Variants in TNNI3K observed in about 807,000 individuals in gnomAD.
The protein encoded by TNNI3K is serine/threonine-protein kinase TNNI3K.
A neutral mutation model predicts 114.5 loss-of-function variants in TNNI3K; 140 were observed. The observed-to-expected ratio is 1.22, with a 90% CI of 1.07 to 1.41. TNNI3K has a LOEUF of 1.41. TNNI3K is among the 40% of genes most tolerant of loss of function. The probability of loss-of-function intolerance (pLI) is 0.00; values close to 1 mark genes in which losing one functional copy is unlikely to be tolerated. For missense variants in TNNI3K, 1,125 were observed against 1,007.6 expected, an observed-to-expected ratio of 1.12 and a Z score of -1.58; for synonymous variants, 347 against 347.5, an observed-to-expected ratio of 1.00 and a Z score of 0.02.
At chr1:74,464,833 G>T (rs1304762304) in intron 21 of TNNI3K, 24 of 1,441,284 alleles carry the variant, frequency 1.7e-5, no homozygotes, top group Non-Finnish European at 2.0e-5. Context: ...CATGAAAGCG[G>T]TCCTTTTTGT....
chr1:74,380,904 G>A (rs1365747789), intron 17 of TNNI3K, among the ~76,000 whole-genome samples: 1 of 152,050 alleles, frequency 6.6e-6, no homozygotes, highest in Non-Finnish European at 1.5e-5. Flanking sequence ...TTAATTGAGT[G>A]CAAACTGACT....
At chr1:74,502,810 CCACAGCTGCTGCCTCGTT>C (rs1249978549) in intron 23 of TNNI3K, among the ~76,000 whole-genome samples, 24 of 152,330 alleles carry the variant, frequency 1.6e-4, no homozygotes, top group Middle Eastern at 3.4e-3. Context: ...GAACACAACT[CCACAGCTGCTGCCTCGTT>C]CACAGGCGTG....
At chr1:74,271,576 C>T (rs745854293) in intron 4 of TNNI3K, 22 bp from the exon 5 acceptor site, 9 of 1,575,954 alleles carry the variant, frequency 5.7e-6, no homozygotes, top group East Asian at 2.3e-5. Flanking sequence ...AAAAGTAACA[C>T]TAAAGATATG....
At chr1:74,409,713 C>A (rs561203078) in intron 17 of TNNI3K, among the ~76,000 whole-genome samples, 1 of 151,956 alleles carries the variant, frequency 6.6e-6, no homozygotes, top group Non-Finnish European at 1.5e-5. Context: ...AGGCTGGTCT[C>A]GAACTCCTGA....
chr1:74,286,166 A>G (rs1011409906), intron 5 of TNNI3K, among the ~76,000 whole-genome samples: 6 of 152,190 alleles, frequency 3.9e-5, no homozygotes, highest in African/African-American at 7.2e-5. Context: ...AAATAGAGAT[A>G]GCCTCCATGT....
chr1:74,460,585 TA>T (rs1252639558), intron 20 of TNNI3K, among the ~76,000 whole-genome samples: 7 of 152,210 alleles, frequency 4.6e-5, no homozygotes, highest in Admixed American at 4.6e-4. Context: ...GCAATCAAGG[TA>T]AAAATTTGAT....
chr1:74,540,673 G>A lies in TNNI3K; in HGVS notation c.2431+360G>A, dbSNP rs1006255974. ...ACTTTGTCAACATTTTATTAAGTCC[G>A]TTGCTTCTAAGCCCCACATTAAGTG... On this transcript the variant is annotated intron_variant, in intron 24 of 24. Transcript: ENST00000326637. Among the ~76,000 whole-genome samples the A allele has an allele frequency of 6.6e-5, 10 of 151,334 alleles. No homozygotes were observed. In the East Asian group the frequency reaches 7.8e-4, roughly 12 times the overall value.
chr1:74,347,097 C>G (rs1449772629), intron 9 of TNNI3K, among the ~76,000 whole-genome samples: 1 of 149,898 alleles, frequency 6.7e-6, no homozygotes, highest in Non-Finnish European at 1.5e-5. Flanking sequence ...TGAGCTGCAC[C>G]CATTAACTCC....
intron 20 of TNNI3K, among the ~76,000 whole-genome samples, chr1:74,455,266 A>T (rs1460303046): frequency 6.6e-6 from 1 of 152,212 alleles, no homozygotes; most frequent in Non-Finnish European, 1.5e-5. Context: ...CTTTTAAAAG[A>T]TGACTACTAG....
intron 4 of TNNI3K, among the ~76,000 whole-genome samples, chr1:74,252,846 T>C (rs977640744): frequency 5.9e-5 from 9 of 152,186 alleles, no homozygotes; most frequent in Non-Finnish European, 1.3e-4. Context: ...CAAGATTTAT[T>C]GCAAAGAGCT....
intron 23 of TNNI3K, among the ~76,000 whole-genome samples, chr1:74,501,738 C>T (rs1282452188): frequency 6.6e-6 from 1 of 152,026 alleles, no homozygotes; most frequent in African/African-American, 2.4e-5. Flanking sequence ...CTGTCCACCT[C>T]GGCCTCCCAA....
At chr1:74,398,610 G>A (rs529660099) in intron 17 of TNNI3K, among the ~76,000 whole-genome samples, 1 of 152,306 alleles carries the variant, frequency 6.6e-6, no homozygotes, top group Non-Finnish European at 1.5e-5. Context: ...CTCAGGCTGG[G>A]TGGAGGCCTT....
intron 24 of TNNI3K, among the ~76,000 whole-genome samples, chr1:74,542,727 A>G (rs11210478): frequency 0.51 from 78,239 of 152,098 alleles, 21,316 homozygotes; most frequent in East Asian, 0.73. Flanking sequence ...ATGAAAACTC[A>G]GCTATCAAAG....
At chr1:74,515,492 G>A (rs1646336693) in intron 23 of TNNI3K, among the ~76,000 whole-genome samples, 1 of 152,188 alleles carries the variant, frequency 6.6e-6, no homozygotes, top group African/African-American at 2.4e-5. Context: ...AGGAAAGGGT[G>A]TGCTATTTGA....
intron 9 of TNNI3K, among the ~76,000 whole-genome samples, chr1:74,348,289 T>C (rs1441203337): frequency 1.3e-5 from 2 of 152,224 alleles, no homozygotes; most frequent in Non-Finnish European, 1.5e-5. Flanking sequence ...GTCAGGTTTG[T>C]CAAAGATCAG....
intron 21 of TNNI3K, 136 bp from the exon 22 acceptor site, chr1:74,489,053 A>T (rs1403150539): frequency 1.5e-6 from 1 of 659,902 alleles, no homozygotes; most frequent in Non-Finnish European, 2.4e-6. Flanking sequence ...ACACTTCAAT[A>T]AAAGTGTATT....
rs781246920 is a variant in TNNI3K, at chr1:74,343,001, G to A, written c.827+15G>A. On this transcript the variant is annotated intron_variant, in intron 8 of 24. Transcript: ENST00000326637. The stretch of plus-strand genomic sequence containing the variant: ...CCCTTACACCTGTGAGTATTATGTA[G>A]CATTCCATAGGTTCTCCAGGTATAC... 14 of 1,613,520 alleles carry A rather than the reference G, an allele frequency of 8.7e-6. No individual in the cohort carries two copies. Among genetic ancestry groups the A allele is most frequent in the African/African-American group, 4.0e-5 (3 of 74,852 alleles).
At chr1:74,540,482 C>T (rs1646713426) in intron 24 of TNNI3K, among the ~76,000 whole-genome samples, 169 bp downstream of exon 24, 1 of 151,694 alleles carries the variant, frequency 6.6e-6, no homozygotes, top group Admixed American at 6.6e-5. Flanking sequence ...AACTCATTTA[C>T]CTTTAAGGTT....
intron 17 of TNNI3K, among the ~76,000 whole-genome samples, chr1:74,426,592 C>T (rs1030166317): frequency 2.6e-5 from 4 of 151,992 alleles, no homozygotes; most frequent in African/African-American, 9.7e-5. Flanking sequence ...ACTCGTCTTT[C>T]GTATAGTTCT....
Sources: allele counts gnomAD v4.1 joint callset (sites outside exome capture counted in the v4.1 genomes callset), GRCh38; gene constraint gnomAD v4.1.1; transcripts MANE v1.5; gene names NCBI Gene and HGNC (gene_info 2026-07-23, HGNC 2026-07-21).